The following MET variants were observed in gnomAD, a reference collection of about 807,000 sequenced individuals.
MET encodes MET proto-oncogene, receptor tyrosine kinase.
A neutral mutation model predicts 133.1 loss-of-function variants in MET; 48 were observed. The observed-to-expected ratio is 0.36, with a 90% CI of 0.29 to 0.46. MET has a LOEUF of 0.46. Ranked by LOEUF, MET falls within the 20% of genes least tolerant of loss-of-function variation. The pLI is 1.00. For synonymous variants in MET, 628 were observed against 616.5 expected (o/e 1.02, Z -0.28); for missense variants, 1,442 against 1,695.9 (o/e 0.85, Z 2.63).
At chr7:116,789,834 G>A (rs1584972021) in intron 19 of MET, among the ~76,000 whole-genome samples, 2 of 152,226 alleles carry the variant, frequency 1.3e-5, no homozygotes, top group East Asian at 3.9e-4. Context: ...AAGTTCCAGG[G>A]TACATGTGCA....
At position 116,757,424 on chromosome 7, in the gene MET, GT is replaced by G. The variant is rs766900241; in HGVS notation, c.1863-5del. 4.4e-6 allele frequency: 7 copies of G among 1,605,726 alleles called. No individual in the cohort carries two copies. The highest frequency in any genetic ancestry group is 6.0e-6 in the Non-Finnish European group (7 of 1,174,098). On this transcript the variant is annotated splice_polypyrimidine_tract_variant and intron_variant, in intron 6 of 20. Coordinates refer to ENST00000397752, the MANE Select transcript of MET (RefSeq NM_000245.4). Reference sequence around the variant, plus strand: ...GGATTTGTCATGTATTAAACTTTGGGTTTTTTTTCCAGATTGAAATGCACAG... The same window carrying G: ...GGATTTGTCATGTATTAAACTTTGGGTTTTTTTCCAGATTGAAATGCACAG...
intron 1 of MET, among the ~76,000 whole-genome samples, chr7:116,687,699 T>C (rs1421337303): frequency 6.6e-6 from 1 of 152,254 alleles, no homozygotes; most frequent in Non-Finnish European, 1.5e-5. Flanking sequence ...CAGAGTCTAC[T>C]TGCAAACATT....
intron 1 of MET, among the ~76,000 whole-genome samples, chr7:116,682,549 TTA>T (rs1390181967): frequency 1.3e-5 from 2 of 152,336 alleles, no homozygotes; most frequent in East Asian, 3.9e-4. Flanking sequence ...ACCTGATGAA[TTA>T]TATAAACATT....
chr7:116,724,825 T>A (rs1436926892), intron 2 of MET: 1 of 1,289,310 alleles, frequency 7.8e-7, no homozygotes. Context: ...GAGCCTAGGC[T>A]TAGTCCTAGC....
chr7:116,740,710 T>C, intron 4 of MET, 142 bp from the exon 5 acceptor site: 1 of 998,858 alleles, frequency 1.0e-6, no homozygotes, highest in Non-Finnish European at 1.5e-6. Flanking sequence ...ATCACCGTTA[T>C]GACAGGATTT....
chr7:116,683,922 A>G (rs1396363918), intron 1 of MET, among the ~76,000 whole-genome samples: 2 of 152,216 alleles, frequency 1.3e-5, no homozygotes, highest in African/African-American at 4.8e-5. Flanking sequence ...CTTACAAAAC[A>G]CATTCACAAG....
chr7:116,787,431 CAGTTCTGGAGGCCAGGA>C lies in MET; in HGVS notation c.3798+3966_3798+3982del, dbSNP rs536317723. ...AATGAACAGAAATGTATTTGGCCCACAGTTCTGGAGGCCAGGAAGTCCAAGATCAAGGGGCCACATGT... is the reference window on the plus strand; with the variant it reads ...AATGAACAGAAATGTATTTGGCCCACAGTCCAAGATCAAGGGGCCACATGT... On this transcript the variant is annotated intron_variant, in intron 19 of 20. Transcript: ENST00000397752. Among the ~76,000 whole-genome samples the C allele has an allele frequency of 8.1e-3, 1,233 of 152,280 alleles. 7 individuals are homozygous for C. The highest frequency in any genetic ancestry group is 0.02 in the Middle Eastern group (6 of 294).
chr7:116,763,043 T>A lies in MET; in HGVS notation c.2365-7T>A. 2 of 1,612,184 alleles carry A rather than the reference T, an allele frequency of 1.2e-6. No homozygotes were observed. Among genetic ancestry groups the A allele is most frequent in the South Asian group, 2.2e-5 (2 of 91,038 alleles). ...TGTTTACAGTGGATAATTGTGTCTT[T>A]CTCTAGGCATGTCAACATCGCTCTA... On this transcript the variant is annotated splice_region_variant and splice_polypyrimidine_tract_variant and intron_variant, in intron 10 of 20. Coordinates refer to ENST00000397752, the MANE Select transcript of MET (RefSeq NM_000245.4).
intron 19 of MET, among the ~76,000 whole-genome samples, chr7:116,791,435 T>C (rs1795489827): frequency 6.6e-6 from 1 of 152,332 alleles, no homozygotes; most frequent in East Asian, 1.9e-4. Flanking sequence ...TTAATCTTTA[T>C]TTCCCAATGG....
At position 116,771,080 on chromosome 7, in the gene MET, G is replaced by A. The variant is rs575552625; in HGVS notation, c.2731-418G>A. On this transcript the variant is annotated intron_variant, in intron 12 of 20. Transcript: ENST00000397752. Reference sequence around the variant, plus strand: ...CAGTACAATTATTTACCTCTTATGGGAAGTCTTCTCTGCCCTCCACCCCAC... The same window carrying A: ...CAGTACAATTATTTACCTCTTATGGAAAGTCTTCTCTGCCCTCCACCCCAC... Among the ~76,000 whole-genome samples, 19 of 152,228 alleles carry A rather than the reference G, an allele frequency of 1.2e-4. 1 individual carries two copies. The East Asian group carries it at 3.5e-3, about 28-fold the overall frequency.
intron 2 of MET, among the ~76,000 whole-genome samples, chr7:116,701,531 T>C (rs1363488734): frequency 6.6e-6 from 1 of 152,150 alleles, no homozygotes; most frequent in Non-Finnish European, 1.5e-5. Context: ...TCCAAGAAAG[T>C]CAGTTCATCT....
intron 5 of MET, among the ~76,000 whole-genome samples, chr7:116,741,403 ACT>A (rs1793449403): frequency 6.6e-6 from 1 of 151,898 alleles, no homozygotes; most frequent in Admixed American, 6.6e-5. Flanking sequence ...TGACTCACCC[ACT>A]CTCTGATTCC....
rs201245213 is a variant in MET at position 116,778,894 on chromosome 7, G to A, written c.3459G>A (p.Pro1153=). 1.8e-5 allele frequency: 29 copies of A among 1,613,902 alleles called. No individual in the cohort carries two copies. Among genetic ancestry groups the A allele is most frequent in the African/African-American group, 2.7e-5 (2 of 74,902 alleles). ...TCTGCCTGCGAAGTGAAGGGTCTCC[G>A]CTGGTGGTCCTACCATACATGAAAC... ...LGICLRSEGS[P]LVVLPYMKHG... is the part of the protein sequence containing the mutation. The change falls in exon 17 of 21, where the codon CCG becomes CCA. Residue 1153 remains proline (P), a synonymous_variant. Transcript: ENST00000397752.
chr7:116,759,694 A>G (rs1794321619), intron 10 of MET: 1 of 631,494 alleles, frequency 1.6e-6, no homozygotes, highest in East Asian at 3.1e-5. Flanking sequence ...ATACATACAC[A>G]TACACACATG....
rs554984524 is a variant in MET at position 116,729,170 on chromosome 7, G to A, written c.1201-2498G>A. Among the ~76,000 whole-genome samples, 4 of 152,312 alleles carry A rather than the reference G, an allele frequency of 2.6e-5. No individual in the cohort carries two copies. In the East Asian group the frequency reaches 7.7e-4, roughly 29 times the overall value. On this transcript the variant is annotated intron_variant, in intron 2 of 20. Transcript: ENST00000397752. ...CATCTCAGTTATCTGCTACTCCTCA[G>A]AGTAATCCATAGTACTTTAGTGAAG...
chr7:116,768,447 C>T (rs1794710478), intron 11 of MET, among the ~76,000 whole-genome samples: 1 of 152,118 alleles, frequency 6.6e-6, no homozygotes, highest in Non-Finnish European at 1.5e-5. Flanking sequence ...TTGTGTTGGC[C>T]TGTGTGGCTG....
chr7:116,766,873 G>C (rs547532029), intron 11 of MET, among the ~76,000 whole-genome samples: 2 of 152,118 alleles, frequency 1.3e-5, no homozygotes, highest in Non-Finnish European at 2.9e-5. Flanking sequence ...TTTAATTTTG[G>C]TTTGCCCAGC....
chr7:116,727,324 A>G (rs951974857), intron 2 of MET, among the ~76,000 whole-genome samples: 1 of 152,174 alleles, frequency 6.6e-6, no homozygotes, highest in Non-Finnish European at 1.5e-5. Flanking sequence ...TCCAATGGGA[A>G]CTGGGCACTG....
chr7:116,730,344 T>C (rs548880210), intron 2 of MET, among the ~76,000 whole-genome samples: 2 of 152,258 alleles, frequency 1.3e-5, no homozygotes, highest in Non-Finnish European at 2.9e-5. Flanking sequence ...GGCCGGATGA[T>C]GGGAAGGGAG....
Sources: gnomAD v4.1 joint callset for allele counts (sites outside exome capture counted in the v4.1 genomes callset) on GRCh38, gnomAD v4.1.1 for gene constraint, MANE v1.5 for transcripts, NCBI Gene and HGNC (gene_info 2026-07-23, HGNC 2026-07-21) for gene names.